The following RTKN2 variants were observed in gnomAD, a reference collection of about 807,000 sequenced individuals.
RTKN2 encodes the protein rhotekin-2.
Under a neutral mutation model 71.5 loss-of-function variants are expected in RTKN2, and 69 were observed. The observed-to-expected ratio is 0.96, with a 90% CI of 0.79 to 1.18. The LOEUF is 1.18. Ranked by LOEUF, RTKN2 falls within the 50% of genes most tolerant of loss-of-function variation. The probability of loss-of-function intolerance (pLI) is 0.00; values close to 1 mark genes in which losing one functional copy is unlikely to be tolerated. For missense variants in RTKN2, 724 were observed against 719.7 expected (o/e 1.01, Z -0.07); for synonymous variants, 236 against 236.5 (o/e 1.00, Z 0.02).
rs551615854 is a variant in RTKN2, at chr10:62,250,663, T to G, written c.258-4606A>C. ...ATTTATTTTTGAGGAAGGGTCTCAC[T>G]CTGTTGCCCAGGCTGAAGTGCAGTG... On this transcript the variant is annotated intron_variant, in intron 2 of 11. Transcript: ENST00000373789. Among the ~76,000 whole-genome samples the G allele has an allele frequency of 2.6e-4, 40 of 152,300 alleles. No individual in the cohort carries two copies. In the South Asian group the frequency reaches 6.9e-3, roughly 26 times the overall value.
intron 5 of RTKN2, among the ~76,000 whole-genome samples, chr10:62,237,476 T>C (rs1032762836): frequency 2.5e-4 from 38 of 151,974 alleles, no homozygotes; most frequent in African/African-American, 8.2e-4. Flanking sequence ...TAACTCAATT[T>C]AACCAATATA....
In RTKN2 at chr10:62,217,251, TGAAAAA is replaced by T. The variant is rs2132884723; in HGVS notation, c.889-8_889-3del. The T allele has an allele frequency of 1.4e-6, 2 of 1,392,550 alleles. No homozygotes were observed. Among genetic ancestry groups the T allele is most frequent in the Non-Finnish European group, 9.2e-7 (1 of 1,082,348 alleles). 86.3% of individuals were successfully genotyped at this position (1,392,550 alleles called of 1,614,324 possible). On this transcript the variant is annotated splice_region_variant and splice_polypyrimidine_tract_variant and intron_variant, in intron 8 of 11. Transcript: ENST00000373789. ...ACTAATCAGACCTTCTACCATTTGC[TGAAAAA>T]AAAAAAAAAAAAATCAAGAGACTAT...
At position 62,217,096 on chromosome 10, in the gene RTKN2, C is replaced by A. The variant is rs1211589129; in HGVS notation, c.1020+22G>T. On this transcript the variant is annotated intron_variant, in intron 9 of 11. Coordinates refer to ENST00000373789, the MANE Select transcript of RTKN2 (RefSeq NM_145307.4). ...AACTTCCTAAGATGTATATTTTTTT[C>A]TCAAAATAGCATTTCCTTTACCTTG... The A allele has an allele frequency of 2.0e-6, 3 of 1,534,816 alleles. No individual in the cohort carries two copies. The African/African-American group carries it at 4.2e-5, about 22-fold the overall frequency.
chr10:62,212,234 T>G (rs57944737), intron 9 of RTKN2, among the ~76,000 whole-genome samples: 24,948 of 151,734 alleles, frequency 0.16, 2,153 homozygotes, highest in African/African-American at 0.19. Flanking sequence ...CCGGGCATGG[T>G]GGTAGGTGCC....
At chr10:62,231,744 C>T (rs1207976644) in intron 6 of RTKN2, among the ~76,000 whole-genome samples, 7 of 151,968 alleles carry the variant, frequency 4.6e-5, no homozygotes, top group East Asian at 3.9e-4. Flanking sequence ...TCAGGAAGAA[C>T]GGCTATATTT....
chr10:62,186,156 C>A (rs1184207230), intron 8 of RTKN2, among the ~76,000 whole-genome samples: 2 of 152,198 alleles, frequency 1.3e-5, no homozygotes, highest in Non-Finnish European at 2.9e-5. Flanking sequence ...TTGCTCCATG[C>A]CTTGGCTCCC....
rs186841410 is a variant in RTKN2 at position 62,209,129 on chromosome 10, G to A, written c.1021-4107C>T. ...ACTAAAAATACAAAATTAGCTGGGC[G>A]TGGTGGCGCATGCCTGTAATCCCAG... On this transcript the variant is annotated intron_variant, in intron 9 of 11. Transcript: ENST00000373789. 5.3e-5 allele frequency among the ~76,000 whole-genome samples: 8 copies of A among 152,156 alleles called. No homozygotes were observed. The East Asian group carries it at 5.8e-4, about 11-fold the overall frequency.
intron 10 of RTKN2, among the ~76,000 whole-genome samples, chr10:62,200,855 A>T (rs1169048155): frequency 6.6e-6 from 1 of 152,120 alleles, no homozygotes; most frequent in Non-Finnish European, 1.5e-5. Flanking sequence ...GGACACATTA[A>T]ATAAAGGCAT....
intron 2 of RTKN2, among the ~76,000 whole-genome samples, chr10:62,250,339 G>C (rs1033750527): frequency 1.3e-5 from 2 of 152,150 alleles, no homozygotes; most frequent in African/African-American, 4.8e-5. Flanking sequence ...TGGCTACGAA[G>C]AAAAAGAAGG....
At chr10:62,191,846 A>G (rs576315936), downstream of RTKN2, among the ~76,000 whole-genome samples, 4 of 152,258 alleles carry the variant, frequency 2.6e-5, no homozygotes, top group South Asian at 8.3e-4. Context: ...TCAAGCAAGA[A>G]ATGAAAATAG....
At position 62,196,774 on chromosome 10, in the gene RTKN2, C is replaced by A. The variant is rs1841340108; in HGVS notation, c.*1134G>T. On this transcript the variant is annotated 3_prime_UTR_variant, in exon 12 of 12. Coordinates refer to ENST00000373789, the MANE Select transcript of RTKN2 (RefSeq NM_145307.4). ...GGAAATTCTAATTAGATTTTTAAAA[C>A]TGTTCTGCTCTTGTTTACAAAAAGC... 1 of 977,872 alleles carries A rather than the reference C, an allele frequency of 1.0e-6. No individual in the cohort carries two copies. Among genetic ancestry groups the A allele is most frequent in the Non-Finnish European group, 1.2e-6 (1 of 823,262 alleles). 60.6% of individuals were successfully genotyped at this position (977,872 alleles called of 1,614,324 possible). A position where few individuals can be genotyped will look rare whatever the true frequency, so the allele number is the denominator to read the frequency against.
chr10:62,245,531 AC>A (rs941057318), intron 3 of RTKN2, among the ~76,000 whole-genome samples: 2 of 152,190 alleles, frequency 1.3e-5, no homozygotes, highest in African/African-American at 2.4e-5. Context: ...TCCAAGAGTC[AC>A]TGAGCAATTA....
intron 8 of RTKN2, among the ~76,000 whole-genome samples, chr10:62,186,076 A>G (rs1284152259): frequency 2.0e-5 from 3 of 152,254 alleles, no homozygotes; most frequent in African/African-American, 7.2e-5. Context: ...TGCTTTCAGC[A>G]CTGCAATGGC....
rs1842573998 is a variant in RTKN2 at position 62,251,177 on chromosome 10, T to C, written c.258-5120A>G. 1.3e-5 allele frequency among the ~76,000 whole-genome samples: 2 copies of C among 152,178 alleles called. 1 individual carries two copies. Among genetic ancestry groups the C allele is most frequent in the Admixed American group, 1.3e-4 (2 of 15,272 alleles). ...CCTATGACATTCATCTCATTTAAAC[T>C]CATCACAAAAGCAATTTATCACCTC... On this transcript the variant is annotated intron_variant, in intron 2 of 11. Transcript: ENST00000373789.
At chr10:62,204,835 A>G in intron 10 of RTKN2, 22 bp downstream of exon 10, 2 of 1,524,914 alleles carry the variant, frequency 1.3e-6, no homozygotes, top group Non-Finnish European at 1.8e-6. Flanking sequence ...ACACAACTAA[A>G]AAAATCCAAA....
At chr10:62,208,276 T>C (rs193101140) in intron 9 of RTKN2, among the ~76,000 whole-genome samples, 2 of 152,308 alleles carry the variant, frequency 1.3e-5, no homozygotes, top group East Asian at 3.9e-4. Context: ...TACTTTTGAC[T>C]ATACGACCAT....
At chr10:62,241,990 T>C (rs188144111) in intron 3 of RTKN2, among the ~76,000 whole-genome samples, 1 of 150,454 alleles carries the variant, frequency 6.6e-6, no homozygotes, top group African/African-American at 2.5e-5. Flanking sequence ...TGAGCCACTG[T>C]GCCTGGCTGC....
downstream of RTKN2, among the ~76,000 whole-genome samples, chr10:62,193,039 C>G (rs1207670689): frequency 6.6e-6 from 1 of 152,074 alleles, no homozygotes; most frequent in Non-Finnish European, 1.5e-5. Flanking sequence ...ATTCCTCTTA[C>G]TACTATTCTC....
intron 10 of RTKN2, among the ~76,000 whole-genome samples, chr10:62,204,027 A>G (rs1841500191): frequency 2.6e-5 from 4 of 152,224 alleles, no homozygotes; most frequent in African/African-American, 7.2e-5. Context: ...GTCTGTCCCT[A>G]GGATTATTTC....
Sources: allele counts gnomAD v4.1 joint callset (sites outside exome capture counted in the v4.1 genomes callset), GRCh38; gene constraint gnomAD v4.1.1; transcripts MANE v1.5; gene names NCBI Gene and HGNC (gene_info 2026-07-23, HGNC 2026-07-21).